SGCD: variants seen among roughly 807,000 people sequenced by gnomAD.
The protein encoded by SGCD is delta-sarcoglycan.
SGCD carries 18 observed loss-of-function variants against 36.6 expected under a neutral mutation model. The ratio of observed to expected loss-of-function variants is 0.49; its 90% CI spans 0.34 to 0.73. The LOEUF is 0.73. SGCD is among the 30% of genes least tolerant of loss of function. SGCD has a pLI of 0.01. For missense variants in SGCD, 387 were observed against 346.7 expected, an observed-to-expected ratio of 1.12 and a Z score of -0.92; for synonymous variants, 133 against 130.6, an observed-to-expected ratio of 1.02 and a Z score of -0.12.
intron 4 of SGCD, among the ~76,000 whole-genome samples, chr5:156,577,616 T>C (rs1307878735): frequency 6.6e-6 from 1 of 152,224 alleles, no homozygotes; most frequent in Non-Finnish European, 1.5e-5. Flanking sequence ...TAGTTCTCCT[T>C]GAAGAGGTCC....
chr5:156,503,208 C>T (rs1486414836), intron 3 of SGCD, among the ~76,000 whole-genome samples: 1 of 152,082 alleles, frequency 6.6e-6, no homozygotes, highest in African/African-American at 2.4e-5. Flanking sequence ...TGGGTACCTC[C>T]TATGTTATAA....
chr5:156,693,932 T>G (rs1031254980), intron 7 of SGCD, among the ~76,000 whole-genome samples: 10 of 152,134 alleles, frequency 6.6e-5, no homozygotes, highest in Admixed American at 5.9e-4. Flanking sequence ...GGTAGCCTAT[T>G]ATTCTCCCCA....
intron 1 of SGCD, among the ~76,000 whole-genome samples, chr5:156,044,594 G>A (rs958691993): frequency 1.3e-5 from 2 of 152,094 alleles, no homozygotes; most frequent in African/African-American, 2.4e-5. Flanking sequence ...AATTGTAGTT[G>A]GTTCACTGGG....
At chr5:155,794,212 T>A in the SGCD span, among the ~76,000 whole-genome samples, 1 of 152,222 alleles carries the variant, frequency 6.6e-6, no homozygotes. Flanking sequence ...CCTCGAATTA[T>A]TTTTGCCTAG....
chr5:155,766,001 G>A, the SGCD span, among the ~76,000 whole-genome samples: 1 of 152,082 alleles, frequency 6.6e-6, no homozygotes, highest in Admixed American at 6.5e-5. Flanking sequence ...GTATCTGCTG[G>A]CCTTGGGTCA....
At chr5:156,726,388 G>A (rs282466) in intron 7 of SGCD, among the ~76,000 whole-genome samples, 57,698 of 151,920 alleles carry the variant, frequency 0.38, 11,717 homozygotes, top group East Asian at 0.57. Context: ...ATCCCTCTGC[G>A]CATTAACCTC....
intron 6 of SGCD, among the ~76,000 whole-genome samples, chr5:156,633,232 C>T (rs1039626048): frequency 6.6e-6 from 1 of 152,218 alleles, no homozygotes; most frequent in Admixed American, 6.5e-5. Flanking sequence ...CTGTTACTCA[C>T]TGACGATGTG....
intron 3 of SGCD, among the ~76,000 whole-genome samples, chr5:156,346,891 G>A (rs4579244): frequency 0.062 from 9,414 of 151,756 alleles, 385 homozygotes; most frequent in Middle Eastern, 0.17. Flanking sequence ...TCCACCTCCC[G>A]GGTTCAAGCC....
intron 3 of SGCD, among the ~76,000 whole-genome samples, chr5:156,285,678 A>G (rs1283714227): frequency 6.6e-6 from 1 of 152,202 alleles, no homozygotes; most frequent in Admixed American, 6.5e-5. Context: ...TTAATTCAAG[A>G]TGGATTAAAG....
intron 7 of SGCD, among the ~76,000 whole-genome samples, chr5:156,729,434 A>G (rs1755947266): frequency 6.6e-6 from 1 of 152,230 alleles, no homozygotes; most frequent in Non-Finnish European, 1.5e-5. Flanking sequence ...AGGCAGTGAG[A>G]CTAGGCTGTG....
At chr5:155,741,382 AAG>A in the SGCD span, among the ~76,000 whole-genome samples, 69 of 152,320 alleles carry the variant, frequency 4.5e-4, 1 homozygote, top group East Asian at 0.013. Context: ...TTTTCCCTGT[AAG>A]AGAGAGTTTT....
chr5:156,521,431 G>A (rs934767012), intron 4 of SGCD, among the ~76,000 whole-genome samples: 1 of 152,070 alleles, frequency 6.6e-6, no homozygotes, highest in Non-Finnish European at 1.5e-5. Flanking sequence ...TACAGAATGG[G>A]AGAAAATTTT....
chr5:156,508,533 T>A, intron 3 of SGCD, 68 bp from the exon 4 acceptor site: 1 of 905,206 alleles, frequency 1.1e-6, no homozygotes. Context: ...CTACGTTTTT[T>A]ACAGCCTGAG....
chr5:156,328,181 T>C (rs1767899936), intron 1 of SGCD, among the ~76,000 whole-genome samples: 1 of 152,256 alleles, frequency 6.6e-6, no homozygotes, highest in Non-Finnish European at 1.5e-5. Flanking sequence ...TATAGATTTT[T>C]TCCTCTCATA....
chr5:156,074,685 A>C (rs1760716676), intron 1 of SGCD, among the ~76,000 whole-genome samples: 1 of 152,132 alleles, frequency 6.6e-6, no homozygotes, highest in Non-Finnish European at 1.5e-5. Flanking sequence ...ATCTCAAAAA[A>C]AGAAAAAAGA....
At chr5:156,384,252 C>G (rs184191479) in intron 3 of SGCD, among the ~76,000 whole-genome samples, 111 of 152,324 alleles carry the variant, frequency 7.3e-4, no homozygotes, top group Non-Finnish European at 1.3e-3. Context: ...CTTCGTTAGT[C>G]TACTTTACTC....
At chr5:156,601,251 T>C (rs1181530045) in intron 6 of SGCD, among the ~76,000 whole-genome samples, 1 of 152,226 alleles carries the variant, frequency 6.6e-6, no homozygotes, top group East Asian at 1.9e-4. Context: ...CGCTTTCTTC[T>C]AGTATTGTAG....
At chr5:155,728,615 G>A in the SGCD span, among the ~76,000 whole-genome samples, 2 of 152,170 alleles carry the variant, frequency 1.3e-5, no homozygotes, top group Non-Finnish European at 2.9e-5. Context: ...GGCCGGCGGA[G>A]GCTTTCCGCA....
chr5:156,237,498 G>A (rs1018343102), intron 3 of SGCD, among the ~76,000 whole-genome samples: 2 of 152,092 alleles, frequency 1.3e-5, no homozygotes, highest in Non-Finnish European at 2.9e-5. Flanking sequence ...GGTGACATGG[G>A]CCTGTAGTCC....
Sources: allele counts gnomAD v4.1 joint callset (sites outside exome capture counted in the v4.1 genomes callset), GRCh38; gene constraint gnomAD v4.1.1; transcripts MANE v1.5; gene names NCBI Gene and HGNC (gene_info 2026-07-23, HGNC 2026-07-21).